Variants in PRKN observed in about 807,000 individuals in gnomAD.
PRKN encodes the protein E3 ubiquitin-protein ligase parkin.
In PRKN, 56 loss-of-function variants were observed where a neutral mutation model predicts 59.5. The observed-to-expected ratio is 0.94, with a 90% CI of 0.76 to 1.18. PRKN has a LOEUF of 1.18. PRKN is among the 50% of genes most tolerant of loss of function. The pLI is 0.00. For missense variants in PRKN, 657 were observed against 596.4 expected, an observed-to-expected ratio of 1.10 and a Z score of -1.06; for synonymous variants, 250 against 222.1, an observed-to-expected ratio of 1.13 and a Z score of -1.12.
intron 6 of PRKN, among the ~76,000 whole-genome samples, chr6:161,895,496 A>C (rs1321308872): frequency 7.5e-6 from 1 of 133,738 alleles, no homozygotes; most frequent in Non-Finnish European, 1.5e-5. Flanking sequence ...ATTCAGGAGT[A>C]CGCCCACCCC....
At chr6:161,757,762 C>T (rs1203410795) in intron 7 of PRKN, among the ~76,000 whole-genome samples, 1 of 150,844 alleles carries the variant, frequency 6.6e-6, no homozygotes, top group Non-Finnish European at 1.5e-5. Context: ...CGCTTGAACC[C>T]GGGATGCAGA....
At chr6:162,300,567 T>C (rs984104245) in intron 2 of PRKN, among the ~76,000 whole-genome samples, 3 of 152,148 alleles carry the variant, frequency 2.0e-5, no homozygotes, top group African/African-American at 7.2e-5. Flanking sequence ...CTTTTCAAGT[T>C]TTCCACATGC....
chr6:162,343,116 T>C (rs1210866162), intron 2 of PRKN, among the ~76,000 whole-genome samples: 1 of 152,178 alleles, frequency 6.6e-6, no homozygotes, highest in African/African-American at 2.4e-5. Flanking sequence ...AAATAAATAT[T>C]TCTCATCAGA....
At chr6:162,097,216 A>T (rs139129520) in intron 4 of PRKN, among the ~76,000 whole-genome samples, 1,939 of 152,082 alleles carry the variant, frequency 0.013, 37 homozygotes, top group African/African-American at 0.045. Flanking sequence ...GTATAGTATG[A>T]TTTTTTTTAG....
chr6:161,694,130 C>T (rs539033641), intron 7 of PRKN, among the ~76,000 whole-genome samples: 2 of 152,310 alleles, frequency 1.3e-5, no homozygotes, highest in South Asian at 4.1e-4. Context: ...TTGCATTTAA[C>T]AACAACACAA....
rs76437736 is a variant in PRKN, at chr6:161,964,357, A to C, written c.734+8945T>G. 7.8e-3 allele frequency among the ~76,000 whole-genome samples: 1,183 copies of C among 152,122 alleles called. 7 individuals are homozygous for C. Among genetic ancestry groups the C allele is most frequent in the Non-Finnish European group, 0.014 (939 of 68,010 alleles). Reference sequence around the variant, plus strand: ...GTGATCACCTGTTATTGAAGGCTTTATGCAAAGATTCTTTCTGGAAGGGTT... The same window carrying C: ...GTGATCACCTGTTATTGAAGGCTTTCTGCAAAGATTCTTTCTGGAAGGGTT... On this transcript the variant is annotated intron_variant, in intron 6 of 11. Coordinates refer to ENST00000366898, the MANE Select transcript of PRKN (RefSeq NM_004562.3).
rs1010903097 is a variant in PRKN, at chr6:161,357,203, C to A, written c.1285+2885G>T. 6.6e-6 allele frequency among the ~76,000 whole-genome samples: 1 copy of A among 152,136 alleles called. No homozygotes were observed. The highest frequency in any genetic ancestry group is 1.5e-5 in the Non-Finnish European group (1 of 68,022). ...AGCAGTTGGGACTACAGGCATGTAC[C>A]ACCATGCCCAGCTAACTTTTCTATT... On this transcript the variant is annotated intron_variant, in intron 11 of 11. Coordinates refer to ENST00000366898, the MANE Select transcript of PRKN (RefSeq NM_004562.3). This position sits in a 1 kb window ranked among gnomAD's most constrained non-coding sequence, Gnocchi z 5.5.
chr6:162,569,096 G>A lies in PRKN; in HGVS notation c.8-125623C>T, dbSNP rs934995961. Reference sequence around the variant, plus strand: ...GGACATGGACAGCATCATTGCTGAGGTCAAGGCGTAGTATGAGGAGATCAC... The same window carrying A: ...GGACATGGACAGCATCATTGCTGAGATCAAGGCGTAGTATGAGGAGATCAC... On this transcript the variant is annotated intron_variant, in intron 1 of 11. Transcript: ENST00000366898. 3.2e-5 allele frequency: 21 copies of A among 664,674 alleles called. No individual in the cohort carries two copies. In the East Asian group the frequency reaches 5.6e-4, roughly 18 times the overall value. 41.2% of individuals were successfully genotyped at this position (664,674 alleles called of 1,614,324 possible).
chr6:161,730,964 T>C (rs1787682836), intron 7 of PRKN, among the ~76,000 whole-genome samples: 1 of 152,248 alleles, frequency 6.6e-6, no homozygotes, highest in Non-Finnish European at 1.5e-5. Flanking sequence ...CATTCTGATG[T>C]GTTGCATTCT....
chr6:161,621,346 T>C (rs1196973478), intron 7 of PRKN, among the ~76,000 whole-genome samples: 2 of 151,990 alleles, frequency 1.3e-5, no homozygotes, highest in Non-Finnish European at 2.9e-5. Context: ...TCCCAAAACC[T>C]TGGAACCAGA....
intron 5 of PRKN, among the ~76,000 whole-genome samples, chr6:161,974,183 T>A (rs994871667): frequency 6.6e-6 from 1 of 151,806 alleles, no homozygotes; most frequent in African/African-American, 2.4e-5. Flanking sequence ...AGGAAATCGC[T>A]TGAGCCCGGC....
intron 6 of PRKN, among the ~76,000 whole-genome samples, chr6:161,926,757 A>C (rs1157053563): frequency 6.6e-6 from 1 of 152,146 alleles, no homozygotes; most frequent in Non-Finnish European, 1.5e-5. Context: ...AAAACATAGG[A>C]GAGTTCTTTG....
chr6:161,841,353 C>T (rs1341895248), intron 6 of PRKN, among the ~76,000 whole-genome samples: 2 of 142,878 alleles, frequency 1.4e-5, no homozygotes, highest in East Asian at 4.1e-4. Context: ...TTTCTTTTTC[C>T]TTTTTTTTTT....
At chr6:161,675,385 C>T (rs376555567) in intron 7 of PRKN, among the ~76,000 whole-genome samples, 25 of 151,842 alleles carry the variant, frequency 1.6e-4, no homozygotes, top group East Asian at 5.8e-4. Flanking sequence ...TAGAGAGGAG[C>T]GCTTGTATCC....
At chr6:162,294,467 T>G (rs1225197234) in intron 2 of PRKN, among the ~76,000 whole-genome samples, 1 of 152,120 alleles carries the variant, frequency 6.6e-6, no homozygotes, top group Non-Finnish European at 1.5e-5. Flanking sequence ...AATTGTGGAA[T>G]TGATTAATAA....
intron 9 of PRKN, among the ~76,000 whole-genome samples, chr6:161,509,394 G>C (rs1399948495): frequency 6.6e-6 from 1 of 152,078 alleles, no homozygotes; most frequent in African/African-American, 2.4e-5. Context: ...CCTCGAAAAA[G>C]AGAGGTAAGA....
chr6:161,665,923 C>T (rs1328012066), intron 7 of PRKN, among the ~76,000 whole-genome samples: 2 of 152,048 alleles, frequency 1.3e-5, no homozygotes, highest in Non-Finnish European at 1.5e-5. Context: ...GGATGTCTAC[C>T]CACTCCAGCC....
intron 5 of PRKN, among the ~76,000 whole-genome samples, chr6:162,008,365 A>G (rs1174014756): frequency 6.6e-6 from 1 of 152,206 alleles, no homozygotes; most frequent in Non-Finnish European, 1.5e-5. Flanking sequence ...CATGGGCTAC[A>G]TGAGCTTCTT....
At position 161,414,234 on chromosome 6, in the gene PRKN, C is replaced by T. The variant is rs1787730452; in HGVS notation, c.1084-27357G>A. Among the ~76,000 whole-genome samples the T allele has an allele frequency of 6.6e-6, 1 of 152,162 alleles. No homozygotes were observed. The highest frequency in any genetic ancestry group is 2.4e-5 in the African/African-American group (1 of 41,438). On this transcript the variant is annotated intron_variant, in intron 9 of 11. Transcript: ENST00000366898. The surrounding 1 kb of genome is among the most constrained non-coding windows in gnomAD (Gnocchi z 5.3). ...AAGAGGCTCTTTCCAGCATTTTCTCCCCAGATGTCAGAGCCGTGCACCCTT... is the reference window on the plus strand; with the variant it reads ...AAGAGGCTCTTTCCAGCATTTTCTCTCCAGATGTCAGAGCCGTGCACCCTT...
Sources: allele counts gnomAD v4.1 joint callset (sites outside exome capture counted in the v4.1 genomes callset), GRCh38; gene constraint gnomAD v4.1.1; non-coding constraint Gnocchi (gnomAD v3.1); transcripts MANE v1.5; gene names NCBI Gene and HGNC (gene_info 2026-07-23, HGNC 2026-07-21).